KCNIP4: variants seen among roughly 807,000 people sequenced by gnomAD.
KCNIP4 encodes the protein potassium voltage-gated channel interacting protein 4.
KCNIP4 carries 12 observed loss-of-function variants against 34.0 expected under a neutral mutation model. That is an observed-to-expected ratio of 0.35 (90% CI 0.23 to 0.57). The LOEUF is 0.57. Ranked by LOEUF, KCNIP4 falls within the 20% of genes least tolerant of loss-of-function variation. The probability of loss-of-function intolerance (pLI) is 0.83; values close to 1 mark genes in which losing one functional copy is unlikely to be tolerated. For synonymous variants in KCNIP4, 124 were observed against 102.2 expected (o/e 1.21, Z -1.29); for missense variants, 238 against 311.7 (o/e 0.76, Z 1.78).
intron 3 of KCNIP4, among the ~76,000 whole-genome samples, chr4:20,818,246 C>T (rs1235216906): frequency 6.6e-6 from 1 of 152,118 alleles, no homozygotes; most frequent in African/African-American, 2.4e-5. Flanking sequence ...AAAAGGGGAG[C>T]CCCCTGCCAA....
At chr4:21,188,424 C>G in intron 1 of KCNIP4, among the ~76,000 whole-genome samples, 1 of 152,176 alleles carries the variant, frequency 6.6e-6, no homozygotes, top group South Asian at 2.1e-4. Flanking sequence ...ACTGGCTTCT[C>G]TCCCTTCTCC....
At chr4:21,844,741 A>G (rs1390684324) in intron 1 of KCNIP4, 1 of 152,084 alleles carries the variant, frequency 6.6e-6, no homozygotes, top group African/African-American at 2.4e-5. Context: ...GAGACTACAT[A>G]TTTCAACAGG....
chr4:21,663,995 A>G (rs1748644843), intron 1 of KCNIP4, among the ~76,000 whole-genome samples: 1 of 151,974 alleles, frequency 6.6e-6, no homozygotes, highest in African/African-American at 2.4e-5. Context: ...CCCAGGCTGG[A>G]GTGCAGTGGC....
At chr4:21,703,911 G>A (rs1400299551) in intron 1 of KCNIP4, among the ~76,000 whole-genome samples, 1 of 152,182 alleles carries the variant, frequency 6.6e-6, no homozygotes, top group African/African-American at 2.4e-5. Flanking sequence ...AAATCAGGTA[G>A]AATGACTTTG....
intron 1 of KCNIP4, among the ~76,000 whole-genome samples, chr4:21,061,848 A>C (rs967214771): frequency 6.6e-6 from 1 of 152,150 alleles, no homozygotes; most frequent in Non-Finnish European, 1.5e-5. Context: ...GGTAAGCCCT[A>C]ATTTAATGAC....
At chr4:21,855,108 A>G (rs1724668167) in intron 1 of KCNIP4, among the ~76,000 whole-genome samples, 1 of 152,226 alleles carries the variant, frequency 6.6e-6, no homozygotes, top group Admixed American at 6.5e-5. Context: ...TCTTTAAGCA[A>G]CAGACAGAAT....
At chr4:21,168,932 C>T (rs1433477) in intron 1 of KCNIP4, among the ~76,000 whole-genome samples, 85,736 of 151,860 alleles carry the variant, frequency 0.56, 25,231 homozygotes, top group African/African-American at 0.73. Flanking sequence ...CCAATTCCTT[C>T]CTCCTGGCTT....
chr4:20,916,594 G>T (rs1728835485), intron 1 of KCNIP4, among the ~76,000 whole-genome samples: 1 of 152,036 alleles, frequency 6.6e-6, no homozygotes, highest in Non-Finnish European at 1.5e-5. Flanking sequence ...CAAAAAATCA[G>T]AAATAATAAT....
chr4:21,046,835 C>T (rs1263137070), intron 1 of KCNIP4, among the ~76,000 whole-genome samples: 1 of 152,172 alleles, frequency 6.6e-6, no homozygotes, highest in South Asian at 2.1e-4. Context: ...AGGTAATCCA[C>T]CCGCCTCCTG....
chr4:21,336,014 T>C (rs964019976), intron 1 of KCNIP4, among the ~76,000 whole-genome samples: 4 of 152,158 alleles, frequency 2.6e-5, no homozygotes, highest in African/African-American at 9.7e-5. Context: ...TTTTTTTGCA[T>C]GTGGATGTTA....
chr4:20,938,182 T>A (rs1731269618), intron 1 of KCNIP4, among the ~76,000 whole-genome samples: 1 of 147,536 alleles, frequency 6.8e-6, no homozygotes, highest in South Asian at 2.1e-4. Flanking sequence ...GATTTTCTCA[T>A]ACACGAAATT....
chr4:20,829,937 T>G, intron 3 of KCNIP4, among the ~76,000 whole-genome samples: 1 of 152,236 alleles, frequency 6.6e-6, no homozygotes, highest in South Asian at 2.1e-4. Context: ...ATGCAACTAC[T>G]TACTCCATAG....
intron 5 of KCNIP4, among the ~76,000 whole-genome samples, chr4:20,741,985 C>T (rs947695658): frequency 1.3e-5 from 2 of 152,250 alleles, no homozygotes; most frequent in African/African-American, 4.8e-5. Context: ...TGGATAAATT[C>T]CTGGACACAT....
At chr4:21,563,860 G>A (rs916109539) in intron 1 of KCNIP4, among the ~76,000 whole-genome samples, 3 of 151,934 alleles carry the variant, frequency 2.0e-5, no homozygotes, top group Admixed American at 6.6e-5. Flanking sequence ...TGGATTTGAA[G>A]GTTTAGGGTT....
chr4:21,841,090 A>T (rs1408003016), intron 1 of KCNIP4, among the ~76,000 whole-genome samples: 2 of 152,186 alleles, frequency 1.3e-5, no homozygotes, highest in East Asian at 3.9e-4. Flanking sequence ...ATTTATTTTT[A>T]AAATAACTAT....
intron 1 of KCNIP4, among the ~76,000 whole-genome samples, chr4:20,960,761 A>T (rs912533427): frequency 6.6e-6 from 1 of 152,244 alleles, no homozygotes; most frequent in Non-Finnish European, 1.5e-5. Flanking sequence ...AATGAAAACA[A>T]CAACTAAATG....
chr4:21,849,323 G>C (rs1476459620), intron 1 of KCNIP4: 1 of 152,082 alleles, frequency 6.6e-6, no homozygotes, highest in Non-Finnish European at 1.5e-5. Context: ...AGAACATTAA[G>C]GTGAACCACT....
intron 1 of KCNIP4, among the ~76,000 whole-genome samples, chr4:21,213,791 A>G (rs1299854272): frequency 1.3e-5 from 2 of 152,084 alleles, no homozygotes; most frequent in African/African-American, 4.8e-5. Flanking sequence ...CTCTCTCCAC[A>G]CACAACGTTC....
At chr4:21,892,332 A>C (rs80013853) in intron 1 of KCNIP4, among the ~76,000 whole-genome samples, 5 of 151,574 alleles carry the variant, frequency 3.3e-5, no homozygotes, top group East Asian at 3.9e-4. Context: ...CAAAAAAAAA[A>C]GGTGAATCTA....
Sources: allele counts gnomAD v4.1 joint callset (sites outside exome capture counted in the v4.1 genomes callset), GRCh38; gene constraint gnomAD v4.1.1; transcripts MANE v1.5; gene names NCBI Gene and HGNC (gene_info 2026-07-23, HGNC 2026-07-21).